Variants in BAZ2B observed in about 807,000 individuals in gnomAD.
BAZ2B encodes the protein bromodomain adjacent to zinc finger domain protein 2B.
A neutral mutation model predicts 246.0 loss-of-function variants in BAZ2B; 91 were observed. That is an observed-to-expected ratio of 0.37 (90% confidence interval 0.31 to 0.44). The LOEUF is 0.44. Among genes scored for constraint, BAZ2B ranks in the 20% least tolerant of loss-of-function variants. BAZ2B has a pLI of 1.00. For synonymous variants in BAZ2B, 855 were observed against 860.0 expected, an observed-to-expected ratio of 0.99 and a Z score of 0.10; for missense variants, 2,332 against 2,533.7, an observed-to-expected ratio of 0.92 and a Z score of 1.71.
chr2:159,567,389 T>C (rs192890671), intron 1 of BAZ2B, among the ~76,000 whole-genome samples: 282 of 152,308 alleles, frequency 1.9e-3, no homozygotes, highest in Middle Eastern at 3.4e-3. Context: ...ACAGTATTCA[T>C]AAGGTAAAAA....
intron 13 of BAZ2B, among the ~76,000 whole-genome samples, chr2:159,425,000 A>C (rs2069523472): frequency 6.6e-6 from 1 of 152,188 alleles, no homozygotes; most frequent in Admixed American, 6.5e-5. Context: ...TAATGAATCC[A>C]CAAATACAGC....
intron 34 of BAZ2B, among the ~76,000 whole-genome samples, chr2:159,330,377 A>G (rs994265215): frequency 2.6e-5 from 4 of 152,194 alleles, no homozygotes; most frequent in Non-Finnish European, 5.9e-5. Context: ...GAAAACCAGG[A>G]GAGTATGGTA....
At chr2:159,426,664 T>C (rs1356463475) in intron 13 of BAZ2B, among the ~76,000 whole-genome samples, 1 of 152,148 alleles carries the variant, frequency 6.6e-6, no homozygotes, top group Admixed American at 6.5e-5. Flanking sequence ...AACTTCTTTC[T>C]TTAAAAGTCA....
intron 1 of BAZ2B, among the ~76,000 whole-genome samples, chr2:159,567,507 G>T (rs1006901930): frequency 6.6e-6 from 1 of 152,080 alleles, no homozygotes; most frequent in African/African-American, 2.4e-5. Context: ...GTGTTTTGTA[G>T]GACTACTTCT....
the BAZ2B span, among the ~76,000 whole-genome samples, chr2:159,637,620 C>T: frequency 3.9e-5 from 6 of 152,114 alleles, no homozygotes; most frequent in Non-Finnish European, 5.9e-5. Flanking sequence ...TGCAGTGGCA[C>T]GATCACAGCT....
intron 1 of BAZ2B, among the ~76,000 whole-genome samples, chr2:159,594,822 A>G (rs1403746230): frequency 1.3e-5 from 2 of 152,168 alleles, no homozygotes; most frequent in African/African-American, 4.8e-5. Context: ...TTGTAGAGAC[A>G]GGGCTTCACC....
the BAZ2B span, among the ~76,000 whole-genome samples, chr2:159,640,927 GAAAAC>G: frequency 1.0e-4 from 15 of 146,546 alleles, no homozygotes; most frequent in South Asian, 3.2e-3. Flanking sequence ...TAGAAATGAA[GAAAAC>G]AAAACAAAAA....
chr2:159,578,375 C>A (rs1032715328), intron 1 of BAZ2B, among the ~76,000 whole-genome samples: 3 of 152,130 alleles, frequency 2.0e-5, no homozygotes, highest in African/African-American at 7.2e-5. Context: ...GAAAATTGTG[C>A]ACACCCTTTG....
chr2:159,593,748 A>T lies in BAZ2B; in HGVS notation c.-46+22494T>A, dbSNP rs532977464. Among the ~76,000 whole-genome samples the T allele has an allele frequency of 2.5e-4, 38 of 152,316 alleles. No individual in the cohort carries two copies. In the South Asian group the frequency reaches 7.7e-3, roughly 31 times the overall value. ...CACCTAATAGTTGTCTAGTTATTAG[A>T]TTGACAAAACATAGTCATCCACTGG... is the stretch of plus-strand genomic sequence containing the variant. On this transcript the variant is annotated intron_variant, in intron 1 of 36. Transcript: ENST00000392783.
chr2:159,465,166 G>A (rs2076890302), intron 3 of BAZ2B, among the ~76,000 whole-genome samples: 1 of 152,196 alleles, frequency 6.6e-6, no homozygotes, highest in Admixed American at 6.5e-5. Context: ...GGAAACATGA[G>A]TTCCATGCTT....
At chr2:159,519,940 T>A (rs1298783965) in intron 2 of BAZ2B, among the ~76,000 whole-genome samples, 1 of 151,806 alleles carries the variant, frequency 6.6e-6, no homozygotes, top group Non-Finnish European at 1.5e-5. Context: ...CCCAGTTTGG[T>A]ATTTCTAACC....
the BAZ2B span, among the ~76,000 whole-genome samples, chr2:159,652,336 T>C: frequency 6.6e-6 from 1 of 151,638 alleles, no homozygotes; most frequent in Non-Finnish European, 1.5e-5. Context: ...CACCCTCCCA[T>C]ATAGCTGAGA....
In BAZ2B at chr2:159,468,311, AAAC is replaced by A. The variant is rs199886147; in HGVS notation, c.145+10261_145+10263del. Among the ~76,000 whole-genome samples, 1,187 of 152,196 alleles carry A rather than the reference AAAC, an allele frequency of 7.8e-3. 15 individuals carry two copies. Among genetic ancestry groups the A allele is most frequent in the Middle Eastern group, 0.071 (21 of 294 alleles). ...AAATTAGGGGGTAATCTTAGAAGAA[AAAC>A]AACAACAACAACAACAACAAAAACA... On this transcript the variant is annotated intron_variant, in intron 3 of 36. Coordinates refer to ENST00000392783, the MANE Select transcript of BAZ2B (RefSeq NM_013450.4).
At chr2:159,631,966 C>T in the BAZ2B span, among the ~76,000 whole-genome samples, 3 of 152,062 alleles carry the variant, frequency 2.0e-5, no homozygotes, top group Admixed American at 1.3e-4. Flanking sequence ...ATTTAAAGAT[C>T]TCATTGTCCT....
chr2:159,358,633 C>T (rs1406193299), intron 27 of BAZ2B, among the ~76,000 whole-genome samples: 2 of 152,222 alleles, frequency 1.3e-5, no homozygotes, highest in Non-Finnish European at 2.9e-5. Flanking sequence ...CTACAGAACT[C>T]TCCACCCCAA....
At chr2:159,386,706 T>TC in intron 21 of BAZ2B, 99 bp from the exon 22 acceptor site, 2 of 1,341,296 alleles carry the variant, frequency 1.5e-6, no homozygotes, top group South Asian at 1.6e-5. Flanking sequence ...CTACCTTTTT[T>TC]CCCCTCTTGT....
At position 159,431,970 on chromosome 2, in the gene BAZ2B, G is replaced by A. The variant is rs561497107; in HGVS notation, c.1900+787C>T. On this transcript the variant is annotated intron_variant, in intron 9 of 36. Transcript: ENST00000392783. ...TGATATTTATGATCTATCATACAAA[G>A]TTGTTTTATGGAAACCCCAGGAAGA... 2.6e-5 allele frequency among the ~76,000 whole-genome samples: 4 copies of A among 152,162 alleles called. No individual in the cohort carries two copies. In the South Asian group the frequency reaches 8.3e-4, roughly 32 times the overall value.
chr2:159,525,435 A>G (rs1191168508), intron 2 of BAZ2B, among the ~76,000 whole-genome samples: 1 of 152,214 alleles, frequency 6.6e-6, no homozygotes, highest in African/African-American at 2.4e-5. Context: ...GAGCATCAAC[A>G]TGATGCCACA....
chr2:159,654,461 G>T, the BAZ2B span, among the ~76,000 whole-genome samples: 1 of 152,062 alleles, frequency 6.6e-6, no homozygotes. Context: ...CCCAAGAAGG[G>T]CCAACAAGAT....
Sources: gnomAD v4.1 joint callset for allele counts (sites outside exome capture counted in the v4.1 genomes callset) on GRCh38, gnomAD v4.1.1 for gene constraint, MANE v1.5 for transcripts, NCBI Gene and HGNC (gene_info 2026-07-23, HGNC 2026-07-21) for gene names.